Variants in SLC35D4 observed in about 807,000 individuals in gnomAD.
SLC35D4 encodes the protein solute carrier family 35 member D4.
At chr18:23,243,609 A>C in the SLC35D4 span, among the ~76,000 whole-genome samples, 1 of 151,636 alleles carries the variant, frequency 6.6e-6, no homozygotes, top group Non-Finnish European at 1.5e-5. Flanking sequence ...TCGGTGGCTC[A>C]TGCCTGTAAT....
At chr18:23,435,522 A>G in the SLC35D4 span, among the ~76,000 whole-genome samples, 1 of 152,258 alleles carries the variant, frequency 6.6e-6, no homozygotes, top group African/African-American at 2.4e-5. Context: ...GCAAACCAAA[A>G]AAACTGCTTT....
chr18:23,331,047 CG>C, the SLC35D4 span: 1 of 152,284 alleles, frequency 6.6e-6, no homozygotes, highest in Non-Finnish European at 1.5e-5. Context: ...TCCAGCTACT[CG>C]GGAGGCCCCA....
the SLC35D4 span, among the ~76,000 whole-genome samples, chr18:23,387,733 T>TA: frequency 2.0e-5 from 3 of 152,154 alleles, no homozygotes; most frequent in Non-Finnish European, 4.4e-5. Context: ...CTTACCTTTT[T>TA]AAAAAAACAT....
chr18:23,406,528 C>G, the SLC35D4 span, among the ~76,000 whole-genome samples: 1 of 152,168 alleles, frequency 6.6e-6, no homozygotes, highest in Non-Finnish European at 1.5e-5. Flanking sequence ...AAAAGAAAAA[C>G]CAAAACTGAG....
At chr18:23,424,975 T>C in the SLC35D4 span, among the ~76,000 whole-genome samples, 1 of 152,148 alleles carries the variant, frequency 6.6e-6, no homozygotes, top group Non-Finnish European at 1.5e-5. Context: ...AAAAGAAGAA[T>C]GAGGGATGGC....
the SLC35D4 span, chr18:23,257,114 A>G: frequency 3.3e-6 from 4 of 1,213,286 alleles, no homozygotes; most frequent in Non-Finnish European, 4.7e-6. Context: ...GCTTTGCCCA[A>G]AGTGGATTTC....
At chr18:23,275,633 T>C in the SLC35D4 span, among the ~76,000 whole-genome samples, 3,126 of 144,388 alleles carry the variant, frequency 0.022, 113 homozygotes, top group African/African-American at 0.076. Context: ...TGTGCTGTGC[T>C]GTGCTGTGCT....
At chr18:23,249,128 G>A in the SLC35D4 span, among the ~76,000 whole-genome samples, 1 of 152,256 alleles carries the variant, frequency 6.6e-6, no homozygotes, top group Non-Finnish European at 1.5e-5. Flanking sequence ...CCTCTTGGCA[G>A]CAGAAACAGC....
chr18:23,241,021 A>G, the SLC35D4 span, among the ~76,000 whole-genome samples: 4 of 152,248 alleles, frequency 2.6e-5, no homozygotes, highest in African/African-American at 4.8e-5. Flanking sequence ...CCCTGCAGAA[A>G]GTTCTCCTCC....
chr18:23,339,255 T>C, the SLC35D4 span, among the ~76,000 whole-genome samples: 114 of 152,326 alleles, frequency 7.5e-4, no homozygotes, highest in African/African-American at 2.7e-3. Context: ...AATTAACTGC[T>C]TGTAGCATTT....
At chr18:23,418,634 C>T in the SLC35D4 span, among the ~76,000 whole-genome samples, 27 of 151,744 alleles carry the variant, frequency 1.8e-4, 1 homozygote, top group South Asian at 1.0e-3. Context: ...CCACCACACC[C>T]GGTAGAGGAG....
chr18:23,374,556 GCTCACCATAA>G, the SLC35D4 span, among the ~76,000 whole-genome samples: 4 of 151,316 alleles, frequency 2.6e-5, no homozygotes, highest in Admixed American at 1.3e-4. Context: ...CACGATCTCG[GCTCACCATAA>G]CCTCCGCCTC....
chr18:23,400,896 GC>G, the SLC35D4 span, among the ~76,000 whole-genome samples: 1 of 152,122 alleles, frequency 6.6e-6, no homozygotes, highest in Non-Finnish European at 1.5e-5. Flanking sequence ...TCTAGCAAGG[GC>G]CTTCAATCCT....
chr18:23,314,182 G>A, the SLC35D4 span, among the ~76,000 whole-genome samples: 15 of 152,186 alleles, frequency 9.9e-5, no homozygotes, highest in African/African-American at 1.4e-4. Context: ...GACACACCTT[G>A]GAGTGACAGT....
the SLC35D4 span, among the ~76,000 whole-genome samples, chr18:23,287,967 T>C: frequency 1.3e-5 from 2 of 152,210 alleles, no homozygotes; most frequent in Non-Finnish European, 2.9e-5. Flanking sequence ...TATGCTCAAC[T>C]CACCCTCTAC....
chr18:23,364,262 A>G, the SLC35D4 span, among the ~76,000 whole-genome samples: 2 of 152,184 alleles, frequency 1.3e-5, 1 homozygote, highest in South Asian at 4.1e-4. Flanking sequence ...GGGCTTAGGT[A>G]ATGCTTTATG....
the SLC35D4 span, among the ~76,000 whole-genome samples, chr18:23,429,976 T>G: frequency 6.6e-6 from 1 of 152,246 alleles, no homozygotes; most frequent in Admixed American, 6.5e-5. Flanking sequence ...ACTCTGTTAA[T>G]AGTTTCTTTT....
At chr18:23,322,189 T>C in the SLC35D4 span, among the ~76,000 whole-genome samples, 1 of 152,246 alleles carries the variant, frequency 6.6e-6, no homozygotes, top group African/African-American at 2.4e-5. Context: ...CTTGAATCTA[T>C]GCAATAACAT....
chr18:23,433,693 T>C, the SLC35D4 span, among the ~76,000 whole-genome samples: 1 of 152,172 alleles, frequency 6.6e-6, no homozygotes, highest in Non-Finnish European at 1.5e-5. Context: ...TATCGACCAT[T>C]CTTTCAAACA....
Sources: gnomAD v4.1 joint callset for allele counts (sites outside exome capture counted in the v4.1 genomes callset) on GRCh38, gnomAD v4.1.1 for gene constraint, MANE v1.5 for transcripts, NCBI Gene and HGNC (gene_info 2026-07-23, HGNC 2026-07-21) for gene names.